CLSTN2: variants seen among roughly 807,000 people sequenced by gnomAD.
CLSTN2 encodes the protein calsyntenin 2, also known as calsyntenin-2.
Under a neutral mutation model 101.2 loss-of-function variants are expected in CLSTN2, and 48 were observed. That is an observed-to-expected ratio of 0.47 (90% CI 0.38 to 0.60). The LOEUF is 0.60. Ranked by LOEUF, CLSTN2 falls within the 20% of genes least tolerant of loss-of-function variation. CLSTN2 has a pLI of 0.00. For synonymous variants in CLSTN2, 481 were observed against 463.6 expected (o/e 1.04, Z -0.48); for missense variants, 1,160 against 1,238.2 (o/e 0.94, Z 0.95).
chr3:140,380,751 T>C (rs941517886), intron 2 of CLSTN2, among the ~76,000 whole-genome samples: 2 of 152,206 alleles, frequency 1.3e-5, no homozygotes, highest in Non-Finnish European at 2.9e-5. Context: ...CAATCTTTTC[T>C]CACAGAGACC....
At chr3:140,013,990 G>A (rs1420617425) in intron 1 of CLSTN2, among the ~76,000 whole-genome samples, 2 of 152,122 alleles carry the variant, frequency 1.3e-5, no homozygotes, top group East Asian at 3.9e-4. Context: ...CCTTTGTTCT[G>A]GCTTCTTTCT....
At chr3:140,037,953 G>A (rs1398012283) in intron 1 of CLSTN2, among the ~76,000 whole-genome samples, 3 of 152,106 alleles carry the variant, frequency 2.0e-5, no homozygotes, top group Admixed American at 2.0e-4. Flanking sequence ...TCATTGATGG[G>A]CATTTGGGTT....
intron 1 of CLSTN2, among the ~76,000 whole-genome samples, chr3:140,174,710 C>T (rs9818249): frequency 0.22 from 33,818 of 152,024 alleles, 4,017 homozygotes; most frequent in Non-Finnish European, 0.26. Context: ...TCTTGTGAGA[C>T]GTATTCACAA....
chr3:140,104,421 C>T (rs555588973), intron 1 of CLSTN2, among the ~76,000 whole-genome samples: 1 of 152,280 alleles, frequency 6.6e-6, no homozygotes, highest in African/African-American at 2.4e-5. Context: ...TTGTTTGGTG[C>T]CAACTAAGCA....
At chr3:140,523,901 G>A (rs1467994517) in intron 8 of CLSTN2, among the ~76,000 whole-genome samples, 1 of 152,094 alleles carries the variant, frequency 6.6e-6, no homozygotes, top group Non-Finnish European at 1.5e-5. Flanking sequence ...GCTACAAATG[G>A]TCCTCTTCCC....
intron 1 of CLSTN2, among the ~76,000 whole-genome samples, chr3:139,951,825 G>A (rs1935301100): frequency 6.6e-6 from 1 of 152,152 alleles, no homozygotes; most frequent in African/African-American, 2.4e-5. Flanking sequence ...CAGCAAACTG[G>A]CTAGAGTGTT....
chr3:140,427,704 G>C (rs915401617), intron 5 of CLSTN2, among the ~76,000 whole-genome samples: 2 of 152,172 alleles, frequency 1.3e-5, no homozygotes, highest in Non-Finnish European at 2.9e-5. Context: ...GGGGATCCCA[G>C]TATGCACCTG....
At chr3:140,157,203 T>A (rs947525001) in intron 1 of CLSTN2, among the ~76,000 whole-genome samples, 2 of 151,136 alleles carry the variant, frequency 1.3e-5, no homozygotes, top group African/African-American at 2.4e-5. Flanking sequence ...GCCTAAAGGT[T>A]TTTTTTTTCC....
At chr3:139,937,698 C>G (rs1444177840) in intron 1 of CLSTN2, among the ~76,000 whole-genome samples, 1 of 151,978 alleles carries the variant, frequency 6.6e-6, no homozygotes, top group Non-Finnish European at 1.5e-5. Context: ...GAGCCGAGAT[C>G]GCGCTATTAC....
At chr3:140,025,090 G>T (rs898198127) in intron 1 of CLSTN2, among the ~76,000 whole-genome samples, 1 of 152,158 alleles carries the variant, frequency 6.6e-6, no homozygotes, top group African/African-American at 2.4e-5. Context: ...TCCCTGGCCA[G>T]GAACCTTGCC....
intron 2 of CLSTN2, among the ~76,000 whole-genome samples, chr3:140,245,006 G>A (rs1234958258): frequency 1.3e-5 from 2 of 152,200 alleles, no homozygotes; most frequent in East Asian, 1.9e-4. Flanking sequence ...GGTGTGCACA[G>A]TACTCCAAAC....
In CLSTN2 at chr3:140,176,014, C is replaced by T; in HGVS notation, c.173C>T (p.Thr58Ile). 6.2e-7 allele frequency: 1 copy of T among 1,612,896 alleles called. No homozygotes were observed. The change falls in exon 2 of 17, where the codon ACA becomes ATA. Residue 58 changes from threonine (T) to isoleucine (I), a missense_variant. Transcript: ENST00000458420. The part of the protein sequence containing the change: ...YHGVITENND[T>I]VILDPPLVAL... ...GGAGTCATAACTGAGAACAATGACA[C>T]AGTCATTTTGGACCCACCACTGGTA...
Position 140,137,942 on chromosome 3 carries a change from TG to T in CLSTN2, c.110-38006del, listed in dbSNP as rs769062903. On this transcript the variant is annotated intron_variant, in intron 1 of 16. Coordinates refer to ENST00000458420, the MANE Select transcript of CLSTN2 (RefSeq NM_022131.3). ...CTTCCCTATTACAATAGGACTTTTG[TG>T]GGCTTGCTTGCTGTTTTAACAGAAG... Among the ~76,000 whole-genome samples, 71 of 152,200 alleles carry T rather than the reference TG, an allele frequency of 4.7e-4. 1 individual carries two copies. The highest frequency in any genetic ancestry group is 1.6e-4 in the Non-Finnish European group (11 of 68,038).
rs2087449092 is a variant in CLSTN2 at position 140,336,957 on chromosome 3, A to C, written c.233-66672A>C. Among the ~76,000 whole-genome samples, 4 of 152,142 alleles carry C rather than the reference A, an allele frequency of 2.6e-5. No individual in the cohort carries two copies. The South Asian group carries it at 8.3e-4, about 32-fold the overall frequency. On this transcript the variant is annotated intron_variant, in intron 2 of 16. Coordinates refer to ENST00000458420, the MANE Select transcript of CLSTN2 (RefSeq NM_022131.3). ...TCCCCACACCACCAATAATTCAAGA[A>C]GATGAACAGGTGAGGGGAGAACTGA...
At chr3:140,358,030 G>A (rs1240322801) in intron 2 of CLSTN2, among the ~76,000 whole-genome samples, 1 of 152,152 alleles carries the variant, frequency 6.6e-6, no homozygotes, top group African/African-American at 2.4e-5. Context: ...ATGTCACATG[G>A]GGGTTAAGCT....
intron 5 of CLSTN2, among the ~76,000 whole-genome samples, chr3:140,447,019 C>G (rs950346932): frequency 7.2e-5 from 11 of 152,290 alleles, no homozygotes; most frequent in African/African-American, 2.6e-4. Context: ...GTCTGGCTAG[C>G]CCCAAAGCCC....
chr3:140,459,817 C>G (rs757688859), intron 7 of CLSTN2, 48 bp downstream of exon 7: 4 of 1,604,376 alleles, frequency 2.5e-6, no homozygotes, highest in Non-Finnish European at 3.4e-6. Context: ...CAGCAGCTGC[C>G]CATTTTGTCA....
chr3:140,255,569 CAAAG>C (rs144426299), intron 2 of CLSTN2, among the ~76,000 whole-genome samples: 1,881 of 152,210 alleles, frequency 0.012, 14 homozygotes, highest in Non-Finnish European at 0.017. Flanking sequence ...CACGTAGACA[CAAAG>C]AAGGCAGCAA....
At position 140,485,246 on chromosome 3, in the gene CLSTN2, C is replaced by CA. The variant is rs1427701121; in HGVS notation, c.1344+18516dup. Among the ~76,000 whole-genome samples the CA allele has an allele frequency of 2.6e-5, 4 of 152,330 alleles. No homozygotes were observed. In the East Asian group the frequency reaches 7.7e-4, roughly 29 times the overall value. On this transcript the variant is annotated intron_variant, in intron 8 of 16. Transcript: ENST00000458420. ...CTCCAGACCCTGTTTTCCTGGGTAT[C>CA]AGCAGCAGAGGCTGCAGAACAGCGG...
Sources: gnomAD v4.1 joint callset for allele counts (sites outside exome capture counted in the v4.1 genomes callset) on GRCh38, gnomAD v4.1.1 for gene constraint, MANE v1.5 for transcripts, NCBI Gene and HGNC (gene_info 2026-07-23, HGNC 2026-07-21) for gene names.